The following SPTA1 variants were observed in gnomAD, a reference collection of about 807,000 sequenced individuals.
The protein encoded by SPTA1 is spectrin alpha, erythrocytic 1.
Under a neutral mutation model 324.7 loss-of-function variants are expected in SPTA1, and 177 were observed. That is an observed-to-expected ratio of 0.55 (90% CI 0.48 to 0.62). SPTA1 has a LOEUF of 0.62. Ranked by LOEUF, SPTA1 falls within the 20% of genes least tolerant of loss-of-function variation. The pLI is 0.00. For missense variants in SPTA1, 3,162 were observed against 2,883.6 expected (o/e 1.10, Z -2.21); for synonymous variants, 1,195 against 1,041.3 (o/e 1.15, Z -2.84).
At chr1:158,661,621 T>C in intron 17 of SPTA1, 1 of 631,606 alleles carries the variant, frequency 1.6e-6, no homozygotes, top group Non-Finnish European at 2.7e-6. Context: ...TTCAATTCAC[T>C]GTTATACAAC....
chr1:158,644,243 T>A lies in SPTA1; in HGVS notation c.4338+10A>T. On this transcript the variant is annotated intron_variant, in intron 30 of 51. Coordinates refer to ENST00000643759, the MANE Select transcript of SPTA1 (RefSeq NM_003126.4). Reference sequence around the variant, plus strand: ...ATTATTATTTTAATTCCTTTACTAGTCATTATTACCTGGGCAGTGATTGCT... The same window carrying A: ...ATTATTATTTTAATTCCTTTACTAGACATTATTACCTGGGCAGTGATTGCT... The A allele has an allele frequency of 6.2e-7, 1 of 1,613,716 alleles. No homozygotes were observed. Among genetic ancestry groups the A allele is most frequent in the Non-Finnish European group, 8.5e-7 (1 of 1,179,784 alleles).
chr1:158,650,834 T>C (rs533555266), intron 24 of SPTA1, among the ~76,000 whole-genome samples: 1 of 152,232 alleles, frequency 6.6e-6, no homozygotes, highest in Non-Finnish European at 1.5e-5. Flanking sequence ...TTTAATTTGG[T>C]GTAGCCTGGT....
rs561509992 is a variant in SPTA1, at chr1:158,686,448, T to G, written c.24+46A>C. On this transcript the variant is annotated intron_variant, in intron 1 of 51. Transcript: ENST00000643759. ...GAAAGTTTAAAGGAAACATCTTTCC[T>G]AATAATATTAATGACAAATTGCATG... The G allele has an allele frequency of 2.4e-5, 31 of 1,296,922 alleles. No individual in the cohort carries two copies. The African/African-American group carries it at 3.8e-4, about 16-fold the overall frequency. 80.3% of individuals were successfully genotyped at this position (1,296,922 alleles called of 1,614,324 possible). A position where few individuals can be genotyped will look rare whatever the true frequency, so the allele number is the denominator to read the frequency against.
intron 27 of SPTA1, among the ~76,000 whole-genome samples, chr1:158,647,061 C>G (rs184496140): frequency 6.6e-6 from 1 of 152,076 alleles, no homozygotes; most frequent in East Asian, 1.9e-4. Flanking sequence ...ATGATTATGT[C>G]TTTTTTTGCA....
At chr1:158,630,118 T>C (rs1650574657) in intron 39 of SPTA1, among the ~76,000 whole-genome samples, 1 of 151,956 alleles carries the variant, frequency 6.6e-6, no homozygotes. Context: ...AAAATCCCAA[T>C]GACATTTTTT....
At chr1:158,629,757 T>C (rs1336604245) in intron 39 of SPTA1, among the ~76,000 whole-genome samples, 4 of 151,972 alleles carry the variant, frequency 2.6e-5, no homozygotes, top group African/African-American at 4.8e-5. Context: ...CAGAGAACTC[T>C]GAACACTCCA....
chr1:158,640,972 C>T (rs372574604), intron 33 of SPTA1, among the ~76,000 whole-genome samples: 10 of 152,080 alleles, frequency 6.6e-5, no homozygotes, highest in African/African-American at 1.7e-4. Context: ...TATAGACCAA[C>T]GGAACAGAAC....
In SPTA1 at chr1:158,611,206, C is replaced by G. The variant is rs943417368; in HGVS notation, c.*58G>C. The G allele has an allele frequency of 1.1e-5, 17 of 1,598,484 alleles. No homozygotes were observed. The highest frequency in any genetic ancestry group is 8.6e-7 in the Non-Finnish European group (1 of 1,169,516). On this transcript the variant is annotated 3_prime_UTR_variant, in exon 52 of 52. Transcript: ENST00000643759. ...CTTCCACATTTGCCTGTACTCTTTG[C>G]CCCCCAGTAAATTTCCCACGACACT... is the stretch of plus-strand genomic sequence containing the variant.
intron 29 of SPTA1, among the ~76,000 whole-genome samples, chr1:158,644,684 T>C (rs1651861531): frequency 6.6e-6 from 1 of 152,346 alleles, no homozygotes; most frequent in East Asian, 1.9e-4. Context: ...TGAAACGTTA[T>C]CCTTCAGGGT....
Position 158,620,462 on chromosome 1 carries a change from T to G in SPTA1, c.6125A>C (p.Glu2042Ala), listed in dbSNP as rs751034867. The change falls in exon 44 of 52, where the codon GAG becomes GCG. Residue 2042 changes from glutamate (E) to alanine (A), a missense_variant. Glu to Ala is a moderately radical substitution (Grantham distance 107). Coordinates refer to ENST00000643759, the MANE Select transcript of SPTA1 (RefSeq NM_003126.4). Reference protein sequence around the residue: ...LEKQLPLQKAEDLFVEFAHKA... With the variant: ...LEKQLPLQKAADLFVEFAHKA... ...ATGTGCAAATTCCACGAACAGGTCC[T>G]CAGCCTGCAGAGAGAAAAAAAAGAC... 1 of 1,612,680 alleles carries G rather than the reference T, an allele frequency of 6.2e-7. No individual in the cohort carries two copies. The highest frequency in any genetic ancestry group is 8.5e-7 in the Non-Finnish European group (1 of 1,180,008).
rs1291112437 is a variant in SPTA1, at chr1:158,644,399, A to G, written c.4195-3T>C. 2 of 1,613,582 alleles carry G rather than the reference A, an allele frequency of 1.2e-6. No homozygotes were observed. Among genetic ancestry groups the G allele is most frequent in the East Asian group, 4.5e-5 (2 of 44,866 alleles). ...TGATCACAGTTCCCCTGGAACATCT[A>G]TGAGGAATCAAATGAGAGGGGTATG... On this transcript the variant is annotated splice_region_variant and splice_polypyrimidine_tract_variant and intron_variant, in intron 29 of 51. Transcript: ENST00000643759.
At chr1:158,671,863 A>G (rs527971751) in intron 11 of SPTA1, among the ~76,000 whole-genome samples, 196 bp downstream of exon 11, 2 of 152,280 alleles carry the variant, frequency 1.3e-5, no homozygotes, top group African/African-American at 4.8e-5. Flanking sequence ...TTAAGTATAT[A>G]TGCTTTTGTT....
intron 39 of SPTA1, among the ~76,000 whole-genome samples, chr1:158,633,918 T>G (rs955664459): frequency 1.3e-5 from 2 of 152,204 alleles, no homozygotes; most frequent in African/African-American, 4.8e-5. Flanking sequence ...CAAAGAGTTC[T>G]TGGTAAATTC....
chr1:158,613,767 G>A lies in SPTA1; in HGVS notation c.6943C>T (p.His2315Tyr). The A allele has an allele frequency of 1.2e-6, 2 of 1,613,822 alleles. No individual in the cohort carries two copies. The highest frequency in any genetic ancestry group is 2.2e-5 in the East Asian group (1 of 44,866). The change falls in exon 50 of 52, where the codon CAT becomes TAT. Residue 2315 changes from histidine to tyrosine, a missense_variant. Physicochemically the swap from His to Tyr is moderately conservative, Grantham distance 83. Transcript: ENST00000643759. ...AGGAACTTCTCAAACTTGGGCTCAT[G>A]TTCATCCTCCTCCACCATGGGCAAG... ...YYLPMVEEDE[H>Y]EPKFEKFLDA...
At chr1:158,626,441 T>C (rs1011279039) in intron 41 of SPTA1, among the ~76,000 whole-genome samples, 3 of 152,092 alleles carry the variant, frequency 2.0e-5, no homozygotes, top group African/African-American at 7.2e-5. Flanking sequence ...AGCTTTTGAG[T>C]ACTTCATAGA....
At chr1:158,670,329 T>C (rs1364686591) in intron 12 of SPTA1, among the ~76,000 whole-genome samples, 1 of 152,222 alleles carries the variant, frequency 6.6e-6, no homozygotes, top group Non-Finnish European at 1.5e-5. Flanking sequence ...TCAGAATTAA[T>C]TGATTGGAAT....
intron 16 of SPTA1, among the ~76,000 whole-genome samples, chr1:158,664,081 G>A (rs970664568): frequency 3.9e-5 from 6 of 152,164 alleles, no homozygotes; most frequent in African/African-American, 1.2e-4. Flanking sequence ...CTGTGAGTAG[G>A]AGTGTAAATT....
chr1:158,681,411 C>T (rs207460490), intron 4 of SPTA1, 116 bp downstream of exon 4: 24 of 1,549,972 alleles, frequency 1.5e-5, no homozygotes, highest in Non-Finnish European at 1.9e-5. Context: ...TTCCAAAGAA[C>T]AAAGCCAGGA....
chr1:158,652,755 G>A (rs1652546448), intron 22 of SPTA1, 102 bp from the exon 23 acceptor site: 3 of 1,356,184 alleles, frequency 2.2e-6, no homozygotes, highest in African/African-American at 2.9e-5. Flanking sequence ...AAATGAAAGG[G>A]AAAACAAATC....
Sources: gnomAD v4.1 joint callset for allele counts (sites outside exome capture counted in the v4.1 genomes callset) on GRCh38, gnomAD v4.1.1 for gene constraint, MANE v1.5 for transcripts, NCBI Gene and HGNC (gene_info 2026-07-23, HGNC 2026-07-21) for gene names.